Variants in PKN2 observed in about 807,000 individuals in gnomAD.
The protein encoded by PKN2 is serine/threonine-protein kinase N2.
A neutral mutation model predicts 119.1 loss-of-function variants in PKN2; 38 were observed. That is an observed-to-expected ratio of 0.32 (90% CI 0.25 to 0.42). The LOEUF is 0.42. Ranked by LOEUF, PKN2 falls within the 10% of genes least tolerant of loss-of-function variation. The pLI is 1.00. For synonymous variants in PKN2, 390 were observed against 384.9 expected, an observed-to-expected ratio of 1.01 and a Z score of -0.15; for missense variants, 850 against 1,165.1, an observed-to-expected ratio of 0.73 and a Z score of 3.94.
chr1:88,828,567 A>G lies in PKN2; in HGVS notation c.2506A>G (p.Arg836Gly). 1 of 1,613,512 alleles carries G rather than the reference A, an allele frequency of 6.2e-7. No individual in the cohort carries two copies. The highest frequency in any genetic ancestry group is 8.5e-7 in the Non-Finnish European group (1 of 1,179,492). The change falls in exon 19 of 22, where the codon AGG (arginine) becomes GGG (glycine). Residue 836 changes from arginine (R) to glycine (G), a missense_variant. Around this residue, in one of 9 missense-constraint regions of PKN2, gnomAD observed 95 missense variants for 150.2 expected, o/e 0.63. Transcript: ENST00000370521. Reference protein sequence around the residue: ...PEVLTETSYTRAVDWWGLGVL... With the variant: ...PEVLTETSYTGAVDWWGLGVL... ...AGTATTAACAGAAACTTCTTATACAAGGGCTGTAGATTGGTGGGGCCTTGG... is the reference window on the plus strand; with the variant it reads ...AGTATTAACAGAAACTTCTTATACAGGGGCTGTAGATTGGTGGGGCCTTGG...
At chr1:88,715,522 C>A (rs529421472) in intron 1 of PKN2, among the ~76,000 whole-genome samples, 18 of 152,260 alleles carry the variant, frequency 1.2e-4, no homozygotes, top group African/African-American at 4.3e-4. Flanking sequence ...AGGAATTTAT[C>A]CATTTCTTCT....
intron 15 of PKN2, among the ~76,000 whole-genome samples, chr1:88,811,523 TAGCAGTTC>T (rs1257271160): frequency 6.6e-6 from 1 of 152,120 alleles, no homozygotes; most frequent in Non-Finnish European, 1.5e-5. Context: ...ATACAAACAA[TAGCAGTTC>T]TTAGGAGGAA....
At position 88,833,530 on chromosome 1, in the gene PKN2, C is replaced by A; in HGVS notation, c.*82C>A. 4 of 1,020,054 alleles carry A rather than the reference C, an allele frequency of 3.9e-6. No homozygotes were observed. The highest frequency in any genetic ancestry group is 1.4e-5 in the South Asian group (1 of 69,916). The allele number at this position is 1,020,054 out of a possible 1,614,324, so 63.2% of individuals were successfully genotyped here. ...ACCCTTCATTTGCTCTCTGTGCCAC[C>A]AATAGCTTCTGAGTTTTTTGTTGTT... On this transcript the variant is annotated 3_prime_UTR_variant, in exon 22 of 22. Coordinates refer to ENST00000370521, the MANE Select transcript of PKN2 (RefSeq NM_006256.4).
At chr1:88,685,913 ACTTTGGT>A (rs915721269) in intron 1 of PKN2, among the ~76,000 whole-genome samples, 6 of 152,152 alleles carry the variant, frequency 3.9e-5, no homozygotes, top group African/African-American at 1.4e-4. Flanking sequence ...AAGCTTGAAA[ACTTTGGT>A]ATAATGGTTG....
At chr1:88,748,828 G>A (rs2100759440) in intron 2 of PKN2, among the ~76,000 whole-genome samples, 1 of 152,082 alleles carries the variant, frequency 6.6e-6, no homozygotes, top group East Asian at 1.9e-4. Context: ...CCAGCTACTT[G>A]GGAGGCTGAG....
intron 2 of PKN2, among the ~76,000 whole-genome samples, chr1:88,757,251 C>T (rs1360486367): frequency 6.6e-6 from 1 of 152,156 alleles, no homozygotes; most frequent in Non-Finnish European, 1.5e-5. Flanking sequence ...TATATGCACA[C>T]ATACATGTGT....
intron 1 of PKN2, among the ~76,000 whole-genome samples, chr1:88,729,188 C>G (rs991899206): frequency 3.9e-5 from 6 of 152,166 alleles, no homozygotes; most frequent in Non-Finnish European, 1.5e-5. Flanking sequence ...GCCACTGCGC[C>G]CAGCCAACAT....
In PKN2 at chr1:88,684,421, T is replaced by G; in HGVS notation, c.-160T>G. Reference sequence around the variant, plus strand: ...GCCGCTCTCGATGAACCGGACGGAATAAGCCGCGCCTCCAGCAGGGGCTGC... The same window carrying G: ...GCCGCTCTCGATGAACCGGACGGAAGAAGCCGCGCCTCCAGCAGGGGCTGC... On this transcript the variant is annotated 5_prime_UTR_variant, in exon 1 of 22. An upstream open reading frame in the 5' UTR loses its in-frame stop. Transcript: ENST00000370521. The G allele has an allele frequency of 1.6e-6, 1 of 621,932 alleles. No homozygotes were observed. Among genetic ancestry groups the G allele is most frequent in the Admixed American group, 3.3e-5 (1 of 29,936 alleles). The allele number at this position is 621,932 out of a possible 1,614,324, so 38.5% of individuals were successfully genotyped here.
chr1:88,770,293 G>A, intron 3 of PKN2, 59 bp from the exon 4 acceptor site: 1 of 974,528 alleles, frequency 1.0e-6, no homozygotes, highest in Non-Finnish European at 1.6e-6. Flanking sequence ...TTAGAAGATA[G>A]GAAAATGTTT....
rs376395087 is a variant in PKN2, at chr1:88,784,784, C to T, written c.1131C>T (p.Ser377=). The T allele has an allele frequency of 1.1e-5, 18 of 1,610,654 alleles. No homozygotes were observed. Among genetic ancestry groups the T allele is most frequent in the African/African-American group, 5.3e-5 (4 of 74,844 alleles). The change falls in exon 7 of 22, where the codon AGC becomes AGT. Residue 377 remains serine, a synonymous_variant. Coordinates refer to ENST00000370521, the MANE Select transcript of PKN2 (RefSeq NM_006256.4). ...SFMSRTSKSK[S]GSSRNLLKTD... is the part of the protein sequence containing the mutation. ...TGAGCAGAACGAGTAAAAGTAAAAGCGGAAGTAGTCGAAATCTTCTAAAAA... is the reference window on the plus strand; with the variant it reads ...TGAGCAGAACGAGTAAAAGTAAAAGTGGAAGTAGTCGAAATCTTCTAAAAA...
chr1:88,724,046 A>G (rs534872270), intron 1 of PKN2, among the ~76,000 whole-genome samples: 57 of 152,312 alleles, frequency 3.7e-4, no homozygotes, highest in Non-Finnish European at 5.7e-4. Flanking sequence ...AGAAGGAGAT[A>G]CTCAAGTCAC....
At chr1:88,685,382 G>A (rs1666049344) in intron 1 of PKN2, among the ~76,000 whole-genome samples, 2 of 152,014 alleles carry the variant, frequency 1.3e-5, no homozygotes, top group Non-Finnish European at 2.9e-5. Flanking sequence ...ACCAGAGAAA[G>A]AGCTAATAAG....
intron 1 of PKN2, among the ~76,000 whole-genome samples, chr1:88,686,167 T>C (rs1666088040): frequency 6.6e-6 from 1 of 152,144 alleles, no homozygotes; most frequent in Non-Finnish European, 1.5e-5. Flanking sequence ...AAAATGAAGA[T>C]GATGTGAGGC....
intron 1 of PKN2, among the ~76,000 whole-genome samples, chr1:88,703,964 T>A (rs116594100): frequency 0.021 from 3,191 of 152,124 alleles, 69 homozygotes; most frequent in South Asian, 0.07. Flanking sequence ...TAAAAAGGCT[T>A]TTTTTTTCAG....
chr1:88,700,412 T>G (rs986071638), intron 1 of PKN2, among the ~76,000 whole-genome samples: 1 of 152,212 alleles, frequency 6.6e-6, no homozygotes, highest in African/African-American at 2.4e-5. Context: ...TTCCTTTTTT[T>G]TGTGTAACAC....
intron 6 of PKN2, among the ~76,000 whole-genome samples, chr1:88,780,191 C>T (rs1178359067): frequency 6.6e-6 from 1 of 152,080 alleles, no homozygotes; most frequent in African/African-American, 2.4e-5. Context: ...AAGAAGTAAT[C>T]TTGCTTAAGA....
chr1:88,785,109 G>A (rs1332861614), intron 7 of PKN2, among the ~76,000 whole-genome samples: 1 of 152,096 alleles, frequency 6.6e-6, no homozygotes, highest in Non-Finnish European at 1.5e-5. Context: ...TATGAGACTG[G>A]TCCTTCTTGT....
chr1:88,787,986 T>G (rs1434251885), intron 8 of PKN2, among the ~76,000 whole-genome samples: 1 of 152,212 alleles, frequency 6.6e-6, no homozygotes, highest in Non-Finnish European at 1.5e-5. Flanking sequence ...TATAAAAACA[T>G]AGATGGAAAC....
chr1:88,750,167 GC>G (rs1199278142), intron 2 of PKN2, among the ~76,000 whole-genome samples: 2 of 152,104 alleles, frequency 1.3e-5, no homozygotes, highest in Admixed American at 6.5e-5. Context: ...GGTATCCAAG[GC>G]CATCTAAGTT....
Sources: gnomAD v4.1 joint callset for allele counts (sites outside exome capture counted in the v4.1 genomes callset) on GRCh38, gnomAD v4.1.1 for gene constraint, gnomAD v4.1.1 regional missense constraint, MANE v1.5 for transcripts, NCBI Gene and HGNC (gene_info 2026-07-23, HGNC 2026-07-21) for gene names.